DNAI3: variants seen among roughly 807,000 people sequenced by gnomAD.
DNAI3 encodes dynein axonemal intermediate chain 3.
Under a neutral mutation model 115.5 loss-of-function variants are expected in DNAI3, and 83 were observed. The ratio of observed to expected loss-of-function variants is 0.72; its 90% CI spans 0.60 to 0.86. The LOEUF (loss-of-function observed/expected upper bound fraction) is 0.86. DNAI3 is among the 40% of genes least tolerant of loss of function. The pLI, the probability that DNAI3 is intolerant of heterozygous loss-of-function variation, is 0.00. For missense variants in DNAI3, 1,004 were observed against 1,075.8 expected, an observed-to-expected ratio of 0.93 and a Z score of 0.93; for synonymous variants, 320 against 347.0, an observed-to-expected ratio of 0.92 and a Z score of 0.86.
In DNAI3 at chr1:85,108,183, T is replaced by C. The variant is rs375337777; in HGVS notation, c.1698+6T>C. The C allele has an allele frequency of 7.0e-5, 111 of 1,580,466 alleles. No individual in the cohort carries two copies. Among genetic ancestry groups the C allele is most frequent in the Middle Eastern group, 1.7e-4 (1 of 5,892 alleles). ...CCTGGAAACCTCTCACTAAGGTAAGTAATGTGGGGTTTTTAGTCCATCCTG... is the reference window on the plus strand; with the variant it reads ...CCTGGAAACCTCTCACTAAGGTAAGCAATGTGGGGTTTTTAGTCCATCCTG... On this transcript the variant is annotated splice_donor_region_variant and intron_variant, in intron 15 of 22. Transcript: ENST00000294664.
intron 17 of DNAI3, among the ~76,000 whole-genome samples, chr1:85,121,479 G>A (rs1030850167): frequency 6.6e-6 from 1 of 152,196 alleles, no homozygotes; most frequent in South Asian, 2.1e-4. Context: ...CAGCGGTTGG[G>A]ACTATTGTCC....
At chr1:85,095,226 G>C (rs546110715) in intron 10 of DNAI3, among the ~76,000 whole-genome samples, 2 of 152,144 alleles carry the variant, frequency 1.3e-5, no homozygotes, top group African/African-American at 4.8e-5. Context: ...CTAGTGGGTG[G>C]GTGGTGTATA....
At chr1:85,077,076 A>C (rs969873922) in intron 3 of DNAI3, among the ~76,000 whole-genome samples, 1 of 152,222 alleles carries the variant, frequency 6.6e-6, no homozygotes, top group African/African-American at 2.4e-5. Context: ...GGTTCATGTT[A>C]ACTCTTTTTA....
chr1:85,065,368 A>C (rs12024977), intron 1 of DNAI3, among the ~76,000 whole-genome samples: 18,986 of 152,194 alleles, frequency 0.12, 1,391 homozygotes, highest in East Asian at 0.25. Flanking sequence ...ATAGGCATTA[A>C]CAATGGGAAG....
In DNAI3 at chr1:85,073,409, C is replaced by A. The variant is rs114698196; in HGVS notation, c.103+317C>A. Among the ~76,000 whole-genome samples, 198 of 152,222 alleles carry A rather than the reference C, an allele frequency of 1.3e-3. 3 individuals carry two copies. Among genetic ancestry groups the A allele is most frequent in the African/African-American group, 4.6e-3 (190 of 41,554 alleles). On this transcript the variant is annotated intron_variant, in intron 3 of 22. Transcript: ENST00000294664. ...TTTATCAGATAAGTATTTTTTCAAA[C>A]TTTTGCTCATAGGTAATATTTATCT... is the stretch of plus-strand genomic sequence containing the variant.
intron 1 of DNAI3, among the ~76,000 whole-genome samples, chr1:85,070,033 C>T (rs373325732): frequency 3.9e-5 from 6 of 152,016 alleles, no homozygotes; most frequent in East Asian, 1.9e-4. Flanking sequence ...GAGGCCGAGG[C>T]GGGTGGATCA....
intron 16 of DNAI3, 113 bp downstream of exon 16, chr1:85,110,248 G>A (rs916107062): frequency 1.5e-5 from 13 of 850,138 alleles, no homozygotes; most frequent in African/African-American, 3.5e-5. Context: ...TCAGCAGATC[G>A]AGATCATCCT....
At chr1:85,098,093 T>C (rs1173300565) in intron 12 of DNAI3, among the ~76,000 whole-genome samples, 2 of 152,190 alleles carry the variant, frequency 1.3e-5, no homozygotes, top group East Asian at 3.9e-4. Flanking sequence ...GATGATAATA[T>C]ACCATGATTT....
At chr1:85,078,671 G>A (rs949923954) in intron 3 of DNAI3, among the ~76,000 whole-genome samples, 2 of 152,198 alleles carry the variant, frequency 1.3e-5, no homozygotes, top group Non-Finnish European at 2.9e-5. Flanking sequence ...ACCCTTTGGG[G>A]TGGCCAGAAG....
chr1:85,132,083 T>G (rs1216686019), intron 22 of DNAI3, among the ~76,000 whole-genome samples: 1 of 152,202 alleles, frequency 6.6e-6, no homozygotes, highest in African/African-American at 2.4e-5. Flanking sequence ...ATAAAAAAAG[T>G]CACTAAGGAA....
intron 13 of DNAI3, among the ~76,000 whole-genome samples, chr1:85,101,745 A>AAAAAAAAAAAAAAAAAAAAAAAAAC (rs1655324992): frequency 6.7e-6 from 1 of 149,716 alleles, no homozygotes; most frequent in Non-Finnish European, 1.5e-5. Flanking sequence ...AAAAAAAAAA[A>AAAAAAAAAAAAAAAAAAAAAAAAAC]AAAAAAAGGA....
rs761860072 is a variant in DNAI3 at position 85,124,195 on chromosome 1, G to A, written c.2056G>A (p.Asp686Asn). The stretch of plus-strand genomic sequence containing the variant: ...TATTCAGAGATCACCTTTCTACAAC[G>A]ACATTATTCTCACGGTTGGAGGTTG... ...HTIQRSPFYNDIILTVGGWNV... is the reference protein window; with the variant it reads ...HTIQRSPFYNNIILTVGGWNV... The change falls in exon 19 of 23, where the codon GAC becomes AAC. Residue 686 changes from aspartate (D) to asparagine (N), a missense_variant. By Grantham distance (23) the Asp-to-Asn change is conservative. This residue lies in a region of DNAI3 where 429 missense variants were observed against 454.3 expected (regional missense o/e 0.94). Coordinates refer to ENST00000294664, the MANE Select transcript of DNAI3 (RefSeq NM_145172.5). 19 of 1,614,058 alleles carry A rather than the reference G, an allele frequency of 1.2e-5. No individual in the cohort carries two copies. Among genetic ancestry groups the A allele is most frequent in the South Asian group, 6.6e-5 (6 of 91,086 alleles).
Position 85,122,239 on chromosome 1 carries a change from T to C in DNAI3, c.1981+425T>C, listed in dbSNP as rs1418733568. On this transcript the variant is annotated intron_variant, in intron 18 of 22. Transcript: ENST00000294664. ...AGTCAATGTGAGATTATAAGCAAAATGTAAGATAATCTAGAAGACCCCAGC... is the reference window on the plus strand; with the variant it reads ...AGTCAATGTGAGATTATAAGCAAAACGTAAGATAATCTAGAAGACCCCAGC... Among the ~76,000 whole-genome samples the C allele has an allele frequency of 7.2e-5, 11 of 152,090 alleles. No individual in the cohort carries two copies. The East Asian group carries it at 1.7e-3, about 24-fold the overall frequency.
chr1:85,071,925 C>T lies in DNAI3; in HGVS notation c.-14-3C>T, dbSNP rs1197823741. On this transcript the variant is annotated splice_polypyrimidine_tract_variant and splice_region_variant and intron_variant, in intron 1 of 22. Coordinates refer to ENST00000294664, the MANE Select transcript of DNAI3 (RefSeq NM_145172.5). ...TTACTAATAATATCATCTCTTTATG[C>T]AGCCCAAGTCAGAACCATGGCTCCA... The T allele has an allele frequency of 2.5e-6, 4 of 1,601,044 alleles. No homozygotes were observed. The highest frequency in any genetic ancestry group is 1.3e-5 in the African/African-American group (1 of 74,116).
chr1:85,090,277 A>T, intron 8 of DNAI3, 45 bp downstream of exon 8: 9 of 1,081,962 alleles, frequency 8.3e-6, no homozygotes, highest in Non-Finnish European at 1.2e-5. Flanking sequence ...CATAAAATGT[A>T]TATGTTTACA....
intron 6 of DNAI3, among the ~76,000 whole-genome samples, chr1:85,085,410 C>T (rs973062592): frequency 3.3e-5 from 5 of 152,228 alleles, no homozygotes; most frequent in African/African-American, 9.6e-5. Flanking sequence ...ACATGACAAG[C>T]GCTGAACAGG....
chr1:85,087,880 A>C (rs1654845549), intron 7 of DNAI3, among the ~76,000 whole-genome samples: 1 of 152,164 alleles, frequency 6.6e-6, no homozygotes, highest in Admixed American at 6.5e-5. Context: ...ATGTGAACTA[A>C]CAGGTTAAAA....
At chr1:85,100,894 G>C (rs566679116) in intron 13 of DNAI3, among the ~76,000 whole-genome samples, 1 of 150,056 alleles carries the variant, frequency 6.7e-6, no homozygotes, top group Non-Finnish European at 1.5e-5. Flanking sequence ...AACACCGCAT[G>C]TTCTCACCCA....
intron 22 of DNAI3, among the ~76,000 whole-genome samples, chr1:85,131,584 T>C (rs1423939607): frequency 6.6e-6 from 1 of 152,228 alleles, no homozygotes; most frequent in Non-Finnish European, 1.5e-5. Flanking sequence ...CAAAACATGT[T>C]TGGTGACAAA....
Sources: allele counts gnomAD v4.1 joint callset (sites outside exome capture counted in the v4.1 genomes callset), GRCh38; gene constraint gnomAD v4.1.1; regional missense constraint gnomAD v4.1.1; transcripts MANE v1.5; gene names NCBI Gene and HGNC (gene_info 2026-07-23, HGNC 2026-07-21).